KCNA6: variants seen among roughly 807,000 people sequenced by gnomAD.
KCNA6 encodes potassium voltage-gated channel subfamily A member 6, also known as human brain potassium channel-2.
KCNA6 carries 17 observed loss-of-function variants against 29.5 expected under a neutral mutation model. The ratio of observed to expected loss-of-function variants is 0.58; its 90% CI spans 0.39 to 0.86. The LOEUF is 0.86. Among genes scored for constraint, KCNA6 ranks in the 40% least tolerant of loss-of-function variants. The probability of loss-of-function intolerance (pLI) is 0.00; values close to 1 mark genes in which losing one functional copy is unlikely to be tolerated. For synonymous variants in KCNA6, 296 were observed against 304.7 expected (o/e 0.97, Z 0.30); for missense variants, 450 against 703.4 (o/e 0.64, Z 4.07).
chr12:4,845,706 A>C, the KCNA6 span, among the ~76,000 whole-genome samples: 1 of 152,204 alleles, frequency 6.6e-6, no homozygotes, highest in African/African-American at 2.4e-5. Context: ...CAGCCTCTTC[A>C]GTCCAGAGAC....
chr12:4,821,132 A>G, the KCNA6 span, among the ~76,000 whole-genome samples: 3 of 152,314 alleles, frequency 2.0e-5, no homozygotes, highest in African/African-American at 7.2e-5. Context: ...TGTCAGTTAC[A>G]GAGATCTTTT....
the KCNA6 span, among the ~76,000 whole-genome samples, chr12:4,822,663 G>T: frequency 6.6e-6 from 1 of 152,232 alleles, no homozygotes; most frequent in East Asian, 1.9e-4. Flanking sequence ...TCCAATTAGA[G>T]AACCGCCTCC....
At chr12:4,817,346 A>G (rs1032713383), downstream of KCNA6, among the ~76,000 whole-genome samples, 2 of 152,170 alleles carry the variant, frequency 1.3e-5, no homozygotes, top group Admixed American at 6.5e-5. Context: ...AGAAAGACAG[A>G]TGGGCTTTTA....
At position 4,810,148 on chromosome 12, in the gene KCNA6, G is replaced by C. The variant is rs778048441; in HGVS notation, c.107G>C (p.Gly36Ala). 71 of 1,605,786 alleles carry C rather than the reference G, an allele frequency of 4.4e-5. No homozygotes were observed. Among genetic ancestry groups the C allele is most frequent in the Non-Finnish European group, 5.9e-5 (69 of 1,176,532 alleles). Residue 36 changes from glycine (G) to alanine (A), a missense_variant, in exon 1 of 1, where the codon GGC becomes GCC. This residue lies in a region of KCNA6 where 72 missense variants were observed against 64.2 expected (regional missense o/e 1.12). Coordinates refer to ENST00000280684, the Ensembl canonical transcript of KCNA6. This position sits in a 1 kb window ranked among gnomAD's most constrained non-coding sequence, Gnocchi z 7.5. ...TTCCCGGAGGCCGGCGGGGGCGGGGGCTGCTGTAGTAGCGAGCGGCTGGTG... is the reference window on the plus strand; with the variant it reads ...TTCCCGGAGGCCGGCGGGGGCGGGGCCTGCTGTAGTAGCGAGCGGCTGGTG...
At chr12:4,816,124 G>A (rs1946678718), downstream of KCNA6, among the ~76,000 whole-genome samples, 1 of 152,166 alleles carries the variant, frequency 6.6e-6, no homozygotes, top group East Asian at 1.9e-4. Flanking sequence ...TAGAAGCTTA[G>A]CATGTCTAAA....
chr12:4,836,085 G>A, the KCNA6 span, among the ~76,000 whole-genome samples: 2 of 151,110 alleles, frequency 1.3e-5, no homozygotes, highest in Non-Finnish European at 2.9e-5. Flanking sequence ...GATTACAGGT[G>A]CCTGCCATCA....
chr12:4,846,190 C>T, the KCNA6 span, among the ~76,000 whole-genome samples: 1 of 152,176 alleles, frequency 6.6e-6, no homozygotes, highest in Admixed American at 6.5e-5. Context: ...CATGTTGGCA[C>T]TCAACAAGTT....
chr12:4,826,221 TTTTG>T, the KCNA6 span, among the ~76,000 whole-genome samples: 52 of 152,262 alleles, frequency 3.4e-4, no homozygotes, highest in Non-Finnish European at 6.6e-4. Flanking sequence ...TCTAGGTGTT[TTTTG>T]TTTGTTTGTT....
At chr12:4,832,778 C>A in the KCNA6 span, among the ~76,000 whole-genome samples, 31 of 152,318 alleles carry the variant, frequency 2.0e-4, 2 homozygotes, top group South Asian at 5.8e-3. Flanking sequence ...CCTTCAAAGA[C>A]CACCTAGCTC....
chr12:4,823,330 C>T, the KCNA6 span, among the ~76,000 whole-genome samples: 4 of 151,824 alleles, frequency 2.6e-5, no homozygotes, highest in Non-Finnish European at 5.9e-5. Flanking sequence ...ATAATTCCTT[C>T]TTCCAGCGGA....
the KCNA6 span, among the ~76,000 whole-genome samples, chr12:4,846,142 G>A: frequency 6.6e-6 from 1 of 152,120 alleles, no homozygotes; most frequent in Non-Finnish European, 1.5e-5. Flanking sequence ...CAAAGTTTGT[G>A]TACATCGAAC....
chr12:4,835,260 G>A, the KCNA6 span, among the ~76,000 whole-genome samples: 4 of 136,666 alleles, frequency 2.9e-5, no homozygotes, highest in South Asian at 2.5e-4. Context: ...TCAGCCTCCC[G>A]AGTAGCTGGG....
chr12:4,830,280 C>G, the KCNA6 span, among the ~76,000 whole-genome samples: 3 of 152,206 alleles, frequency 2.0e-5, no homozygotes, highest in African/African-American at 7.2e-5. Flanking sequence ...CCCCCCAGCT[C>G]CAGCCCCTTC....
the KCNA6 span, among the ~76,000 whole-genome samples, chr12:4,832,845 C>A: frequency 6.6e-6 from 1 of 152,302 alleles, no homozygotes. Flanking sequence ...TTGCACTCAG[C>A]AGAGGTTACC....
chr12:4,831,946 G>A, the KCNA6 span, among the ~76,000 whole-genome samples: 1 of 152,170 alleles, frequency 6.6e-6, no homozygotes, highest in East Asian at 1.9e-4. Flanking sequence ...TGGTCTCACA[G>A]AAACATGGTG....
chr12:4,843,341 C>T, the KCNA6 span, among the ~76,000 whole-genome samples: 192 of 152,026 alleles, frequency 1.3e-3, 2 homozygotes, highest in Middle Eastern at 0.01. Flanking sequence ...CCACCACGCC[C>T]GGCTAATTTT....
chr12:4,818,323 G>T (rs906930084), downstream of KCNA6, among the ~76,000 whole-genome samples: 2 of 152,178 alleles, frequency 1.3e-5, no homozygotes, highest in Non-Finnish European at 2.9e-5. Flanking sequence ...TTTAACAAAG[G>T]GTTTAAGAGC....
In KCNA6 at chr12:4,812,301, G is replaced by A. The variant is rs41276714; in HGVS notation, c.*670G>A. On this transcript the variant is annotated 3_prime_UTR_variant, in exon 1 of 1. Coordinates refer to ENST00000280684, the Ensembl canonical transcript of KCNA6. ...CAAAGAGGCCAATGGATTTTTCAAA[G>A]TGTGCCCCAGCACAAGAGGCACTGG... 7.2e-3 allele frequency: 1,205 copies of A among 167,376 alleles called. 9 individuals carry two copies. Among genetic ancestry groups the A allele is most frequent in the Non-Finnish European group, 0.012 (813 of 68,250 alleles). 10.4% of individuals were successfully genotyped at this position (167,376 alleles called of 1,614,324 possible). A position where few individuals can be genotyped will look rare whatever the true frequency, so the allele number is the denominator to read the frequency against.
the KCNA6 span, among the ~76,000 whole-genome samples, chr12:4,818,838 GCACA>G: frequency 4.1e-3 from 613 of 148,684 alleles, 5 homozygotes; most frequent in African/African-American, 0.011. Context: ...CCCTGAAAGT[GCACA>G]CACACACACA....
Sources: allele counts gnomAD v4.1 joint callset (sites outside exome capture counted in the v4.1 genomes callset), GRCh38; gene constraint gnomAD v4.1.1; regional missense constraint gnomAD v4.1.1; non-coding constraint Gnocchi (gnomAD v3.1); transcripts MANE v1.5; gene names NCBI Gene and HGNC (gene_info 2026-07-23, HGNC 2026-07-21).